SLC2A9: variants seen among roughly 807,000 people sequenced by gnomAD.
SLC2A9 encodes the protein solute carrier family 2 member 9, also known as solute carrier family 2, facilitated glucose transporter member 9.
Under a neutral mutation model 50.6 loss-of-function variants are expected in SLC2A9, and 39 were observed. The observed-to-expected ratio is 0.77, with a 90% CI of 0.60 to 1.01. The LOEUF (loss-of-function observed/expected upper bound fraction) is 1.01, where lower values mean the gene tolerates loss of function less well. Among genes scored for constraint, SLC2A9 ranks in the 50% least tolerant of loss-of-function variants. The pLI, the probability that SLC2A9 is intolerant of heterozygous loss-of-function variation, is 0.00. For synonymous variants in SLC2A9, 324 were observed against 276.9 expected (o/e 1.17, Z -1.69); for missense variants, 686 against 677.6 (o/e 1.01, Z -0.14).
At chr4:9,922,397 T>C (rs375281515) in intron 6 of SLC2A9, among the ~76,000 whole-genome samples, 3 of 152,188 alleles carry the variant, frequency 2.0e-5, no homozygotes, top group South Asian at 2.1e-4. Flanking sequence ...GATGGGTTGA[T>C]AGGTGCAGCA....
At chr4:9,844,999 A>C (rs192478819) in intron 10 of SLC2A9, among the ~76,000 whole-genome samples, 4 of 151,768 alleles carry the variant, frequency 2.6e-5, no homozygotes, top group African/African-American at 9.7e-5. Context: ...ACTCTTGCCC[A>C]CGTACCCTAG....
intron 11 of SLC2A9, among the ~76,000 whole-genome samples, chr4:9,828,990 C>A (rs61338451): frequency 2.0e-5 from 3 of 152,028 alleles, no homozygotes; most frequent in African/African-American, 7.3e-5. Context: ...AGGCCACAAA[C>A]AGGGCTTCCT....
At chr4:9,985,251 C>G (rs1578192997) in intron 4 of SLC2A9, among the ~76,000 whole-genome samples, 1 of 152,082 alleles carries the variant, frequency 6.6e-6, no homozygotes, top group Admixed American at 6.6e-5. Flanking sequence ...GTGTGCCAGC[C>G]CTCGCAGGTG....
At chr4:9,845,709 C>T (rs1026225709) in intron 10 of SLC2A9, among the ~76,000 whole-genome samples, 24 of 152,142 alleles carry the variant, frequency 1.6e-4, no homozygotes, top group African/African-American at 5.3e-4. Flanking sequence ...GGATTACAGG[C>T]GTGAGCCACC....
At chr4:9,847,201 A>C (rs1407912565) in intron 10 of SLC2A9, among the ~76,000 whole-genome samples, 2 of 152,234 alleles carry the variant, frequency 1.3e-5, no homozygotes, top group African/African-American at 4.8e-5. Context: ...AAAGAGGCTT[A>C]ATTGACTTAC....
intron 11 of SLC2A9, 124 bp from the exon 12 acceptor site, chr4:9,826,724 A>G: frequency 2.3e-6 from 2 of 875,158 alleles, no homozygotes; most frequent in Non-Finnish European, 3.7e-6. Context: ...ACAAAACACC[A>G]TGTGTGATGC....
rs61538689 is a variant in SLC2A9, at chr4:9,931,962, CTATATATATA to C, written c.814+9941_814+9950del. On this transcript the variant is annotated intron_variant, in intron 6 of 11. Coordinates refer to ENST00000264784, the MANE Select transcript of SLC2A9 (RefSeq NM_020041.3). ...TCTCTCTCTCTCTCTCTCTCTCTCT[CTATATATATA>C]TATATATATATATATATATATATAT... Among the ~76,000 whole-genome samples the C allele has an allele frequency of 1.0e-2, 145 of 14,546 alleles. 6 individuals are homozygous for C. The highest frequency in any genetic ancestry group is 0.059 in the Middle Eastern group (2 of 34). The allele number at this position is 14,546 out of a possible 152,430, so 9.5% of individuals were successfully genotyped here.
At chr4:9,958,682 T>C (rs945662925) in intron 5 of SLC2A9, among the ~76,000 whole-genome samples, 1 of 151,956 alleles carries the variant, frequency 6.6e-6, no homozygotes, top group Non-Finnish European at 1.5e-5. Context: ...GAGGAGGACA[T>C]AGGATCCAGG....
chr4:9,831,498 G>A (rs571768355), intron 11 of SLC2A9, among the ~76,000 whole-genome samples: 6 of 152,306 alleles, frequency 3.9e-5, no homozygotes, highest in Non-Finnish European at 7.3e-5. Context: ...TGTTATCACA[G>A]CCATGTAGCC....
chr4:9,940,957 C>T (rs948445602), intron 6 of SLC2A9, among the ~76,000 whole-genome samples: 3 of 152,154 alleles, frequency 2.0e-5, no homozygotes, highest in Non-Finnish European at 4.4e-5. Context: ...CTTATATGCA[C>T]CATCTAATTC....
At chr4:9,820,135 GATTCATTTTGA>G (rs1163951533) in intron 3 of SLC2A9, among the ~76,000 whole-genome samples, 36 of 152,132 alleles carry the variant, frequency 2.4e-4, no homozygotes, top group African/African-American at 7.2e-4. Context: ...TTAGGGTTAT[GATTCATTTTGA>G]ATTCATTTTG....
chr4:9,866,952 T>G (rs1162633807), intron 10 of SLC2A9, among the ~76,000 whole-genome samples: 1 of 152,206 alleles, frequency 6.6e-6, no homozygotes, highest in African/African-American at 2.4e-5. Context: ...TTTTGTTCTT[T>G]ACACATCCAC....
downstream of SLC2A9, among the ~76,000 whole-genome samples, chr4:9,798,099 T>C (rs1408665361): frequency 6.6e-6 from 1 of 152,190 alleles, no homozygotes; most frequent in Non-Finnish European, 1.5e-5. Context: ...TTTGGTCCTT[T>C]GGAGGGATTT....
chr4:9,919,886 A>T (rs1743578892), intron 7 of SLC2A9, among the ~76,000 whole-genome samples: 2 of 152,170 alleles, frequency 1.3e-5, no homozygotes. Flanking sequence ...ACATCCAAGC[A>T]TCTGGGGAAC....
chr4:9,975,336 T>C (rs548502629), intron 5 of SLC2A9, among the ~76,000 whole-genome samples: 2 of 152,218 alleles, frequency 1.3e-5, no homozygotes, highest in Admixed American at 6.5e-5. Flanking sequence ...TGGGACAAAA[T>C]AATTGTAAAC....
intron 1 of SLC2A9, among the ~76,000 whole-genome samples, chr4:9,772,465 C>G (rs912699787): frequency 1.3e-5 from 2 of 152,180 alleles, no homozygotes; most frequent in African/African-American, 4.8e-5. Flanking sequence ...AGAGTTAGTG[C>G]ACACCTGGTC....
At chr4:10,006,240 A>G (rs1760751075) in intron 2 of SLC2A9, among the ~76,000 whole-genome samples, 2 of 152,336 alleles carry the variant, frequency 1.3e-5, no homozygotes, top group African/African-American at 4.8e-5. Context: ...AAATAATAAA[A>G]GAAATTGCCA....
intron 9 of SLC2A9, 71 bp from the exon 10 acceptor site, chr4:9,887,713 G>T: frequency 1.6e-6 from 2 of 1,248,898 alleles, no homozygotes; most frequent in Non-Finnish European, 2.1e-6. Context: ...TCCCACCCCA[G>T]CTCCTCCTCC....
intron 3 of SLC2A9, among the ~76,000 whole-genome samples, chr4:9,785,725 T>G (rs1719131862): frequency 1.3e-5 from 2 of 152,242 alleles, no homozygotes; most frequent in Non-Finnish European, 2.9e-5. Context: ...GGAATGTAGT[T>G]GTCAATCAAA....
Sources: gnomAD v4.1 joint callset for allele counts (sites outside exome capture counted in the v4.1 genomes callset) on GRCh38, gnomAD v4.1.1 for gene constraint, MANE v1.5 for transcripts, NCBI Gene and HGNC (gene_info 2026-07-23, HGNC 2026-07-21) for gene names.